ZNF69: variants seen among roughly 807,000 people sequenced by gnomAD.
ZNF69 encodes zinc finger protein 69, also known as ZNF3.
ZNF69 carries 47 observed loss-of-function variants against 50.9 expected under a neutral mutation model. The ratio of observed to expected loss-of-function variants is 0.92; its 90% CI spans 0.73 to 1.18. The LOEUF (loss-of-function observed/expected upper bound fraction) is 1.18. Among genes scored for constraint, ZNF69 ranks in the 50% most tolerant of loss-of-function variants. The pLI, the probability that ZNF69 is intolerant of heterozygous loss-of-function variation, is 0.00. For synonymous variants in ZNF69, 216 were observed against 223.1 expected, an observed-to-expected ratio of 0.97 and a Z score of 0.29; for missense variants, 717 against 675.1, an observed-to-expected ratio of 1.06 and a Z score of -0.69.
downstream of ZNF69, among the ~76,000 whole-genome samples, chr19:11,908,585 C>A (rs1972413048): frequency 1.3e-5 from 2 of 151,968 alleles, no homozygotes; most frequent in African/African-American, 4.8e-5. Flanking sequence ...GGGTACATAA[C>A]AAATGAAGGC....
At chr19:11,926,182 C>T in the ZNF69 span, among the ~76,000 whole-genome samples, 1 of 152,162 alleles carries the variant, frequency 6.6e-6, no homozygotes, top group African/African-American at 2.4e-5. Flanking sequence ...TTTACTTTTG[C>T]CTTGCGTGGC....
rs201151226 is a variant in ZNF69, at chr19:11,904,643, T to C, written c.252-6T>C. 2.8e-4 allele frequency: 443 copies of C among 1,608,714 alleles called. No individual in the cohort carries two copies. The highest frequency in any genetic ancestry group is 5.0e-4 in the Middle Eastern group (3 of 6,034). On this transcript the variant is annotated splice_polypyrimidine_tract_variant and splice_region_variant and intron_variant, in intron 3 of 3. Coordinates refer to ENST00000429654, the MANE Select transcript of ZNF69 (RefSeq NM_001364730.1). Reference sequence around the variant, plus strand: ...CCCTTTGTAATGTGCTTCTCATTTTTGACAGGAGTCTCATAGAAAAGAAAG... The same window carrying C: ...CCCTTTGTAATGTGCTTCTCATTTTCGACAGGAGTCTCATAGAAAAGAAAG...
the ZNF69 span, among the ~76,000 whole-genome samples, chr19:11,944,384 C>T: frequency 3.9e-5 from 6 of 152,158 alleles, no homozygotes; most frequent in Admixed American, 3.9e-4. Flanking sequence ...TTTCCCTAAA[C>T]TATTTTTGAT....
At chr19:11,979,147 T>C in the ZNF69 span, 1 of 1,612,408 alleles carries the variant, frequency 6.2e-7, no homozygotes, top group South Asian at 1.1e-5. Context: ...TTCTGCCAAG[T>C]CATTTCGAAG....
At chr19:11,918,464 G>A (rs1240803405), downstream of ZNF69, among the ~76,000 whole-genome samples, 1 of 151,994 alleles carries the variant, frequency 6.6e-6, no homozygotes, top group East Asian at 1.9e-4. Flanking sequence ...TGACTAATTT[G>A]TAGTTATCTC....
At chr19:11,926,170 A>G in the ZNF69 span, among the ~76,000 whole-genome samples, 1 of 152,156 alleles carries the variant, frequency 6.6e-6, no homozygotes, top group Admixed American at 6.5e-5. Flanking sequence ...CTGAGGCGTG[A>G]CTTTACTTTT....
At chr19:11,946,184 T>C in the ZNF69 span, among the ~76,000 whole-genome samples, 28 of 152,116 alleles carry the variant, frequency 1.8e-4, no homozygotes, top group Non-Finnish European at 3.7e-4. Context: ...TGTTTCTTCT[T>C]TAACTGGGGG....
At chr19:11,965,102 G>A in the ZNF69 span, 1 of 1,472,554 alleles carries the variant, frequency 6.8e-7, no homozygotes, top group Non-Finnish European at 9.5e-7. Context: ...TCCCCGAGAG[G>A]GACCTGGTAC....
At chr19:11,916,348 C>T (rs981024607), downstream of ZNF69, among the ~76,000 whole-genome samples, 1 of 152,166 alleles carries the variant, frequency 6.6e-6, no homozygotes, top group African/African-American at 2.4e-5. Context: ...GGCAGATTGG[C>T]TCATGCCTGT....
intron 4 of ZNF69, among the ~76,000 whole-genome samples, chr19:11,911,764 A>G (rs1972461839): frequency 1.3e-5 from 2 of 152,210 alleles, no homozygotes; most frequent in Non-Finnish European, 2.9e-5. Flanking sequence ...GCACGTGTAT[A>G]CATATGTAAC....
At position 11,905,608 on chromosome 19, in the gene ZNF69, G is replaced by C; in HGVS notation, c.1211G>C (p.Arg404Pro). 6.2e-7 allele frequency: 1 copy of C among 1,613,768 alleles called. No individual in the cohort carries two copies. The highest frequency in any genetic ancestry group is 1.1e-5 in the South Asian group (1 of 91,058). The part of the protein sequence containing the change: ...GKAFIHSSSL[R>P]YHERIHTGEK... ...GCCTTCATTCATTCCAGTTCCCTTC[G>C]TTATCATGAAAGGATTCACACTGGA... Residue 404 changes from arginine (R) to proline (P), a missense_variant, in exon 4 of 4, where the codon CGT becomes CCT. Physicochemically the swap from Arg to Pro is moderately radical, Grantham distance 103. Coordinates refer to ENST00000429654, the MANE Select transcript of ZNF69 (RefSeq NM_001364730.1).
chr19:11,958,454 C>T, the ZNF69 span, among the ~76,000 whole-genome samples: 20,927 of 151,922 alleles, frequency 0.14, 3,354 homozygotes, highest in African/African-American at 0.4. Flanking sequence ...GGAGAATTCG[C>T]TGGTGTTCAG....
Position 11,905,381 on chromosome 19 carries a change from G to A in ZNF69, c.984G>A (p.Arg328=). ...YVRIHERTHS[R]KKPYECTQCG... ...GTATACATGAAAGGACCCACTCTAG[G>A]AAAAAACCCTATGAATGTACGCAGT... The change falls in exon 4 of 4, where the codon AGG becomes AGA. Residue 328 remains arginine, a synonymous_variant. Transcript: ENST00000429654. The A allele has an allele frequency of 1.2e-6, 2 of 1,614,012 alleles. No individual in the cohort carries two copies. The highest frequency in any genetic ancestry group is 1.7e-6 in the Non-Finnish European group (2 of 1,180,000).
At chr19:11,961,922 TACACACACAC>T in the ZNF69 span, among the ~76,000 whole-genome samples, 91 of 145,084 alleles carry the variant, frequency 6.3e-4, no homozygotes, top group East Asian at 2.8e-3. Flanking sequence ...TGGCCTCTTT[TACACACACAC>T]ACACACACAC....
At chr19:11,950,112 A>G in the ZNF69 span, 1 of 1,614,118 alleles carries the variant, frequency 6.2e-7, no homozygotes, top group Non-Finnish European at 8.5e-7. Flanking sequence ...TACATGCAAG[A>G]ACACACATTG....
intron 1 of ZNF69, among the ~76,000 whole-genome samples, chr19:11,891,400 AAAGG>A (rs1351967259): frequency 1.3e-5 from 2 of 151,200 alleles, no homozygotes; most frequent in Non-Finnish European, 2.9e-5. Flanking sequence ...GAAAAGAAAG[AAAGG>A]AAGGGAGGGA....
intron 1 of ZNF69, among the ~76,000 whole-genome samples, chr19:11,899,994 G>T (rs1176724723): frequency 2.0e-5 from 3 of 151,518 alleles, no homozygotes; most frequent in Admixed American, 2.0e-4. Flanking sequence ...CGTTCTTGTT[G>T]CCCAGACTGG....
chr19:11,891,677 A>G (rs183769280), intron 1 of ZNF69, among the ~76,000 whole-genome samples: 3 of 152,334 alleles, frequency 2.0e-5, no homozygotes, highest in East Asian at 3.9e-4. Context: ...TAAAACAACT[A>G]TAATTATCTT....
At chr19:11,891,866 T>A (rs1446476325) in intron 1 of ZNF69, among the ~76,000 whole-genome samples, 2 of 152,192 alleles carry the variant, frequency 1.3e-5, no homozygotes, top group Non-Finnish European at 1.5e-5. Flanking sequence ...TAAATTGGTG[T>A]TTCTCTGGCT....
Sources: allele counts gnomAD v4.1 joint callset (sites outside exome capture counted in the v4.1 genomes callset), GRCh38; gene constraint gnomAD v4.1.1; transcripts MANE v1.5; gene names NCBI Gene and HGNC (gene_info 2026-07-23, HGNC 2026-07-21).